The following FUT8 variants were observed in gnomAD, a reference collection of about 807,000 sequenced individuals.
FUT8 encodes fucosyltransferase 8, also known as alpha-(1,6)-fucosyltransferase.
A neutral mutation model predicts 71.3 loss-of-function variants in FUT8; 29 were observed. The observed-to-expected ratio is 0.41, with a 90% CI of 0.30 to 0.55. The LOEUF (loss-of-function observed/expected upper bound fraction) is 0.55, where lower values mean the gene tolerates loss of function less well. Among genes scored for constraint, FUT8 ranks in the 20% least tolerant of loss-of-function variants. The pLI is 0.34. For synonymous variants in FUT8, 254 were observed against 239.3 expected, an observed-to-expected ratio of 1.06 and a Z score of -0.57; for missense variants, 544 against 702.1, an observed-to-expected ratio of 0.77 and a Z score of 2.55.
intron 2 of FUT8, among the ~76,000 whole-genome samples, chr14:65,534,180 G>A (rs1884137976): frequency 6.6e-6 from 1 of 152,026 alleles, no homozygotes; most frequent in South Asian, 2.1e-4. Flanking sequence ...CTGGAGTACA[G>A]TGTGCAAACA....
chr14:65,543,019 T>C (rs1380661970), intron 2 of FUT8, among the ~76,000 whole-genome samples: 3 of 152,128 alleles, frequency 2.0e-5, no homozygotes, highest in Admixed American at 2.0e-4. Context: ...TGACCTCAGG[T>C]GATCTGCCCG....
the FUT8 span, among the ~76,000 whole-genome samples, chr14:65,363,491 A>G: frequency 1.3e-5 from 2 of 152,174 alleles, no homozygotes; most frequent in Non-Finnish European, 2.9e-5. Flanking sequence ...TCCTGACCTC[A>G]GGTGATCTGT....
intron 2 of FUT8, among the ~76,000 whole-genome samples, chr14:65,473,907 T>C (rs982547712): frequency 6.6e-6 from 1 of 152,186 alleles, no homozygotes; most frequent in Non-Finnish European, 1.5e-5. Context: ...TATTAGAGGA[T>C]TGTTTTAAGC....
intron 3 of FUT8, among the ~76,000 whole-genome samples, chr14:65,573,589 G>T (rs895300744): frequency 6.6e-6 from 1 of 152,024 alleles, no homozygotes; most frequent in African/African-American, 2.4e-5. Flanking sequence ...TGGATGCAGT[G>T]GCACAAGCCT....
intron 2 of FUT8, among the ~76,000 whole-genome samples, chr14:65,498,665 C>G (rs2066598247): frequency 6.6e-6 from 1 of 152,138 alleles, no homozygotes; most frequent in African/African-American, 2.4e-5. Flanking sequence ...TTCTTTCATG[C>G]TATTTAGAAT....
chr14:65,468,250 C>T (rs185872759), intron 2 of FUT8: 5 of 624,718 alleles, frequency 8.0e-6, no homozygotes, highest in African/African-American at 1.8e-5. Flanking sequence ...CTTATAGATT[C>T]GCATACATGT....
chr14:65,716,075 G>T (rs1171329325), intron 7 of FUT8, among the ~76,000 whole-genome samples: 2 of 151,952 alleles, frequency 1.3e-5, no homozygotes, highest in African/African-American at 4.8e-5. Flanking sequence ...TACTATCCAT[G>T]TGCTGAGGAG....
At chr14:65,580,716 A>C (rs10152007) in intron 3 of FUT8, among the ~76,000 whole-genome samples, 1 of 151,740 alleles carries the variant, frequency 6.6e-6, no homozygotes, top group South Asian at 2.1e-4. Flanking sequence ...AAGACTCAAA[A>C]TGGGGAAGTT....
chr14:65,392,113 G>A, the FUT8 span, among the ~76,000 whole-genome samples: 6 of 152,010 alleles, frequency 3.9e-5, no homozygotes, highest in African/African-American at 1.4e-4. Context: ...TGTATTTTTA[G>A]CAGAGTTGGG....
chr14:65,526,819 T>C (rs887294184), intron 2 of FUT8, among the ~76,000 whole-genome samples: 7 of 152,202 alleles, frequency 4.6e-5, no homozygotes, highest in African/African-American at 1.7e-4. Flanking sequence ...CCTTCACTTA[T>C]GAAGCTTAGT....
At chr14:65,495,740 G>A (rs1213875461) in intron 2 of FUT8, among the ~76,000 whole-genome samples, 3 of 152,126 alleles carry the variant, frequency 2.0e-5, no homozygotes, top group African/African-American at 4.8e-5. Flanking sequence ...ATATGCTAAT[G>A]TTATCAGTAT....
chr14:65,683,249 G>A (rs1345088639), intron 7 of FUT8, among the ~76,000 whole-genome samples: 2 of 151,962 alleles, frequency 1.3e-5, no homozygotes, highest in South Asian at 2.1e-4. Context: ...TCCTGACCTC[G>A]TGATCCGCCC....
At chr14:65,390,550 A>G in the FUT8 span, among the ~76,000 whole-genome samples, 6 of 151,838 alleles carry the variant, frequency 4.0e-5, no homozygotes, top group African/African-American at 9.7e-5. Flanking sequence ...ACTTTTTTCA[A>G]TGAAGTAATT....
intron 3 of FUT8, among the ~76,000 whole-genome samples, chr14:65,599,181 A>G (rs933285766): frequency 6.6e-5 from 10 of 152,228 alleles, no homozygotes; most frequent in African/African-American, 2.4e-4. Context: ...GCAAACACAG[A>G]CTCAGTCATC....
chr14:65,415,768 T>G (rs1411942339), intron 1 of FUT8, among the ~76,000 whole-genome samples: 1 of 151,948 alleles, frequency 6.6e-6, no homozygotes, highest in African/African-American at 2.4e-5. Context: ...CCAGGTCACT[T>G]AACCCTTATC....
chr14:65,383,455 A>G, the FUT8 span, among the ~76,000 whole-genome samples: 3 of 151,600 alleles, frequency 2.0e-5, no homozygotes, highest in Admixed American at 2.0e-4. Context: ...TTATATTTTT[A>G]GTAGAGACGG....
In FUT8 at chr14:65,517,634, A is replaced by G. The variant is rs748641525; in HGVS notation, c.-227-43703A>G. ...GTGATCATATCAACATGGAAATTAG[A>G]TCATGACATATCTTTAAAGTCTTCT... On this transcript the variant is annotated intron_variant, in intron 2 of 10. Transcript: ENST00000673929. 3.9e-4 allele frequency among the ~76,000 whole-genome samples: 59 copies of G among 152,284 alleles called. 1 individual carries two copies. The Middle Eastern group carries it at 0.014, about 35-fold the overall frequency.
At chr14:65,414,225 G>A (rs1235290793) in intron 1 of FUT8, among the ~76,000 whole-genome samples, 2 of 152,148 alleles carry the variant, frequency 1.3e-5, no homozygotes, top group Admixed American at 6.5e-5. Flanking sequence ...TCAAGTAACT[G>A]ACTTAACTGG....
rs759179836 is a variant in FUT8 at position 65,742,998 on chromosome 14, C to G, written c.*588C>G. On this transcript the variant is annotated 3_prime_UTR_variant, in exon 11 of 11. Coordinates refer to ENST00000673929, the MANE Select transcript of FUT8 (RefSeq NM_001371533.1). ...AATTGCATCAGTTCATTGACCTCAT[C>G]ATTAATAAGTGAAGAATACATCAGA... The G allele has an allele frequency of 6.7e-6, 1 of 149,992 alleles. No homozygotes were observed. The highest frequency in any genetic ancestry group is 6.7e-5 in the Admixed American group (1 of 14,980). The allele number at this position is 149,992 out of a possible 1,614,324, so 9.3% of individuals were successfully genotyped here. A position where few individuals can be genotyped will look rare whatever the true frequency, so the allele number is the denominator to read the frequency against.
Sources: gnomAD v4.1 joint callset for allele counts (sites outside exome capture counted in the v4.1 genomes callset) on GRCh38, gnomAD v4.1.1 for gene constraint, MANE v1.5 for transcripts, NCBI Gene and HGNC (gene_info 2026-07-23, HGNC 2026-07-21) for gene names.